Variants in WWP2 observed in about 807,000 individuals in gnomAD.
WWP2 encodes NEDD4-like E3 ubiquitin-protein ligase WWP2.
WWP2 carries 57 observed loss-of-function variants against 121.0 expected under a neutral mutation model. The observed-to-expected ratio is 0.47, with a 90% CI of 0.38 to 0.59. The LOEUF is 0.59. WWP2 is among the 20% of genes least tolerant of loss of function. The pLI is 0.00. For synonymous variants in WWP2, 449 were observed against 441.3 expected (o/e 1.02, Z -0.22); for missense variants, 962 against 1,158.9 (o/e 0.83, Z 2.47).
chr16:69,888,313 G>A, intron 8 of WWP2, 64 bp downstream of exon 8: 3 of 1,528,610 alleles, frequency 2.0e-6, no homozygotes, highest in Non-Finnish European at 2.6e-6. Context: ...CTTTACGGGG[G>A]TGGAAACAAC....
chr16:69,826,608 G>A (rs1312901089), intron 4 of WWP2, among the ~76,000 whole-genome samples: 2 of 129,348 alleles, frequency 1.5e-5, no homozygotes, highest in East Asian at 2.4e-4. Flanking sequence ...AGCCGGGCAC[G>A]GTGGCTAAGG....
chr16:69,935,853 G>T lies in WWP2; in HGVS notation c.1843G>T (p.Ala615Ser). The T allele has an allele frequency of 6.2e-7, 1 of 1,612,250 alleles. No individual in the cohort carries two copies. The highest frequency in any genetic ancestry group is 8.5e-7 in the Non-Finnish European group (1 of 1,179,054). ...CTGTGCTGTGCCTCTTCCTTCCCAG[G>T]CGCTGTACCATGGAAAGTTCATCGA... ...FRFIGRFIAM[A>S]LYHGKFIDTG... Residue 615 changes from alanine (A) to serine (S), a missense_variant and splice_region_variant, in exon 18 of 24, where the codon GCG (alanine) becomes TCG (serine). By Grantham distance (99) the Ala-to-Ser change is moderately conservative. Around this residue, in one of 3 missense-constraint regions of WWP2, gnomAD observed 606 missense variants for 772.6 expected, o/e 0.78. Coordinates refer to ENST00000359154, the MANE Select transcript of WWP2 (RefSeq NM_001270454.2). The surrounding 1 kb of genome is among the most constrained non-coding windows in gnomAD (Gnocchi z 5.2).
chr16:69,815,690 G>C (rs1274629684), intron 4 of WWP2, among the ~76,000 whole-genome samples: 3 of 151,532 alleles, frequency 2.0e-5, no homozygotes, highest in South Asian at 4.2e-4. Context: ...GGGAGGCTGA[G>C]GCAGGAGAAT....
rs752367875 is a variant in WWP2, at chr16:69,787,027, C to T, written c.17C>T (p.Ser6Phe). The T allele has an allele frequency of 1.2e-6, 2 of 1,612,646 alleles. No homozygotes were observed. Among genetic ancestry groups the T allele is most frequent in the Admixed American group, 3.3e-5 (2 of 59,788 alleles). ...GGTGATGATATGGCATCTGCCAGCT[C>T]TAGCCGGGCAGGAGTGGCCCTGCCT... MASAS[S>F]SRAGVALPFE... Residue 6 changes from serine (S) to phenylalanine (F), a missense_variant, in exon 2 of 24, where the codon TCT (serine) becomes TTT (phenylalanine). This residue lies in a region of WWP2 where 145 missense variants were observed against 189.8 expected (regional missense o/e 0.76). Transcript: ENST00000359154.
chr16:69,806,022 C>A (rs1478775193), intron 4 of WWP2, among the ~76,000 whole-genome samples: 1 of 151,690 alleles, frequency 6.6e-6, no homozygotes, highest in African/African-American at 2.4e-5. Flanking sequence ...CATAGCAAGA[C>A]CCTGTCTCTA....
intron 9 of WWP2, among the ~76,000 whole-genome samples, chr16:69,911,780 A>G (rs2058382264): frequency 6.6e-6 from 1 of 152,208 alleles, no homozygotes; most frequent in African/African-American, 2.4e-5. Flanking sequence ...AAAGTATTAA[A>G]AAGGCATAAA....
intron 8 of WWP2, among the ~76,000 whole-genome samples, chr16:69,895,677 A>G (rs187124895): frequency 3.3e-5 from 5 of 152,284 alleles, no homozygotes; most frequent in African/African-American, 7.2e-5. Context: ...GGAGGATCGC[A>G]TAAGTCCCGG....
intron 8 of WWP2, among the ~76,000 whole-genome samples, chr16:69,889,099 AG>A (rs113499099): frequency 3.3e-5 from 5 of 152,024 alleles, no homozygotes; most frequent in African/African-American, 1.2e-4. Flanking sequence ...GGATCACTTG[AG>A]GCCAGGAGTT....
chr16:69,873,600 C>A (rs2057682497), intron 7 of WWP2, among the ~76,000 whole-genome samples: 1 of 152,212 alleles, frequency 6.6e-6, no homozygotes, highest in Non-Finnish European at 1.5e-5. Context: ...AAGGAGACAG[C>A]AAAGTGATGG....
intron 4 of WWP2, among the ~76,000 whole-genome samples, chr16:69,839,439 T>C (rs969710769): frequency 6.6e-6 from 1 of 152,214 alleles, no homozygotes; most frequent in East Asian, 1.9e-4. Flanking sequence ...TTGGTGCTTC[T>C]GCCTCCAGTC....
chr16:69,879,275 A>G (rs1240353459), intron 7 of WWP2, among the ~76,000 whole-genome samples: 1 of 152,190 alleles, frequency 6.6e-6, no homozygotes, highest in Admixed American at 6.5e-5. Context: ...AGTGGCATTA[A>G]TTATAATCAC....
At chr16:69,815,600 A>G (rs950664406) in intron 4 of WWP2, among the ~76,000 whole-genome samples, 2 of 151,670 alleles carry the variant, frequency 1.3e-5, no homozygotes, top group African/African-American at 4.8e-5. Flanking sequence ...AGCGTGGCCA[A>G]TGTGGTGAAA....
chr16:69,912,916 TACAAAACAAAAAAAAAAAAAAA>T (rs1459652853), intron 9 of WWP2, among the ~76,000 whole-genome samples: 2 of 830 alleles, frequency 2.4e-3, no homozygotes, highest in Non-Finnish European at 3.1e-3. Flanking sequence ...AACCAGTCTC[TACAAAACAAAAAAAAAAAAAAA>T]AAAAAAAAAA....
At chr16:69,781,387 C>G (rs1324078291) in intron 1 of WWP2, among the ~76,000 whole-genome samples, 10 of 152,110 alleles carry the variant, frequency 6.6e-5, no homozygotes. Flanking sequence ...ACTGTGTCAC[C>G]CAGGCTGGAG....
chr16:69,801,563 A>G (rs1409977163), intron 4 of WWP2, among the ~76,000 whole-genome samples: 1 of 148,702 alleles, frequency 6.7e-6, no homozygotes, highest in African/African-American at 2.5e-5. Context: ...TTGAGATGGG[A>G]TCTCCCTATA....
intron 6 of WWP2, among the ~76,000 whole-genome samples, chr16:69,868,218 G>A (rs930703226): frequency 1.3e-5 from 2 of 152,176 alleles, no homozygotes; most frequent in Non-Finnish European, 2.9e-5. Context: ...GCAGGGAGGT[G>A]GCAGTTCATG....
At chr16:69,859,675 C>G (rs1597068016) in intron 6 of WWP2, among the ~76,000 whole-genome samples, 1 of 152,150 alleles carries the variant, frequency 6.6e-6, no homozygotes, top group Admixed American at 6.5e-5. Context: ...CTCTCAACTC[C>G]TTAAGCTTCC....
intron 6 of WWP2, among the ~76,000 whole-genome samples, chr16:69,863,613 C>T (rs570615556): frequency 1.2e-4 from 19 of 152,254 alleles, no homozygotes; most frequent in African/African-American, 4.6e-4. Context: ...TTCACTCCAG[C>T]CTGGGTGAAA....
chr16:69,845,896 A>G (rs2057065002), intron 6 of WWP2, among the ~76,000 whole-genome samples: 2 of 138,128 alleles, frequency 1.4e-5, no homozygotes, highest in Non-Finnish European at 3.1e-5. Flanking sequence ...CTAAAAGTAC[A>G]AAAATTAGCC....
Sources: gnomAD v4.1 joint callset for allele counts (sites outside exome capture counted in the v4.1 genomes callset) on GRCh38, gnomAD v4.1.1 for gene constraint, gnomAD v4.1.1 regional missense constraint, Gnocchi (gnomAD v3.1) non-coding constraint, MANE v1.5 for transcripts, NCBI Gene and HGNC (gene_info 2026-07-23, HGNC 2026-07-21) for gene names.